The following SLCO3A1 variants were observed in gnomAD, a reference collection of about 807,000 sequenced individuals.
The protein encoded by SLCO3A1 is PGE1 transporter.
A neutral mutation model predicts 63.1 loss-of-function variants in SLCO3A1; 27 were observed. The observed-to-expected ratio is 0.43, with a 90% confidence interval of 0.32 to 0.59. The LOEUF (loss-of-function observed/expected upper bound fraction) is 0.59. Ranked by LOEUF, SLCO3A1 falls within the 20% of genes least tolerant of loss-of-function variation. The pLI, the probability that SLCO3A1 is intolerant of heterozygous loss-of-function variation, is 0.09. For missense variants in SLCO3A1, 773 were observed against 945.8 expected, an observed-to-expected ratio of 0.82 and a Z score of 2.40; for synonymous variants, 473 against 409.9, an observed-to-expected ratio of 1.15 and a Z score of -1.86.
At chr15:91,921,820 C>T (rs528375001) in intron 2 of SLCO3A1, among the ~76,000 whole-genome samples, 1 of 152,150 alleles carries the variant, frequency 6.6e-6, no homozygotes, top group South Asian at 2.1e-4. Context: ...GCCTCTGCCT[C>T]CTGGGTTCAA....
chr15:92,050,284 G>A (rs2046941241), intron 2 of SLCO3A1, among the ~76,000 whole-genome samples: 1 of 152,238 alleles, frequency 6.6e-6, no homozygotes, highest in South Asian at 2.1e-4. Context: ...CCCTTGAGGA[G>A]TCGCCAGCCA....
At chr15:91,972,250 G>A (rs947884411) in intron 2 of SLCO3A1, among the ~76,000 whole-genome samples, 1 of 152,140 alleles carries the variant, frequency 6.6e-6, no homozygotes, top group Non-Finnish European at 1.5e-5. Context: ...GGGTTGGGAG[G>A]TGGATATGGG....
At chr15:91,928,397 C>T (rs1899107657) in intron 2 of SLCO3A1, among the ~76,000 whole-genome samples, 1 of 152,262 alleles carries the variant, frequency 6.6e-6, no homozygotes, top group Non-Finnish European at 1.5e-5. Context: ...GCTTAAGCAG[C>T]TTGTTCAGGG....
At chr15:92,169,230 G>C (rs1372195569), downstream of SLCO3A1, among the ~76,000 whole-genome samples, 4 of 152,140 alleles carry the variant, frequency 2.6e-5, no homozygotes, top group East Asian at 1.9e-4. Context: ...GTCCAGAATT[G>C]GCTCAAATTC....
rs1025222266 is a variant in SLCO3A1, at chr15:91,854,258, C to A, written c.180+170C>A. On this transcript the variant is annotated intron_variant, in intron 1 of 9. Transcript: ENST00000318445. This position sits in a 1 kb window ranked among gnomAD's most constrained non-coding sequence, Gnocchi z 6.4. The stretch of plus-strand genomic sequence containing the variant: ...GGCGGCCGCCGGGGGAGCTGCCGGC[C>A]GGGGCTGCCAGCGAGCGGGTAGCGG... 11 of 1,084,054 alleles carry A rather than the reference C, an allele frequency of 1.0e-5. No individual in the cohort carries two copies. In the African/African-American group the frequency reaches 1.7e-4, roughly 16 times the overall value. The allele number at this position is 1,084,054 out of a possible 1,614,324, so 67.2% of individuals were successfully genotyped here. A position where few individuals can be genotyped will look rare whatever the true frequency, so the allele number is the denominator to read the frequency against.
At chr15:92,024,783 G>A (rs191132938) in intron 2 of SLCO3A1, among the ~76,000 whole-genome samples, 5 of 152,298 alleles carry the variant, frequency 3.3e-5, no homozygotes, top group African/African-American at 7.2e-5. Context: ...CTCTGAGAAG[G>A]TGACATTTGA....
At chr15:92,118,583 G>T (rs566122315) in intron 4 of SLCO3A1, among the ~76,000 whole-genome samples, 9 of 152,082 alleles carry the variant, frequency 5.9e-5, no homozygotes, top group Non-Finnish European at 8.8e-5. Flanking sequence ...GAGTTGGGCC[G>T]CTTAGAGGTT....
intron 8 of SLCO3A1, 43 bp downstream of exon 8, chr15:92,147,202 G>C: frequency 6.4e-7 from 1 of 1,570,912 alleles, no homozygotes; most frequent in Non-Finnish European, 8.7e-7. Flanking sequence ...TTTCCACCTG[G>C]TGTTCATCTG....
chr15:91,958,779 G>T (rs908323972), intron 2 of SLCO3A1, among the ~76,000 whole-genome samples: 1 of 152,122 alleles, frequency 6.6e-6, no homozygotes, highest in South Asian at 2.1e-4. Flanking sequence ...ATAAATGTTG[G>T]CTTGGATGTG....
intron 2 of SLCO3A1, among the ~76,000 whole-genome samples, chr15:92,041,860 A>G (rs1208567751): frequency 6.6e-6 from 1 of 151,920 alleles, no homozygotes; most frequent in African/African-American, 2.4e-5. Context: ...ATTTTAGCCA[A>G]TCTGTATGCT....
chr15:92,035,583 A>G (rs1302795582), intron 2 of SLCO3A1, among the ~76,000 whole-genome samples: 1 of 151,720 alleles, frequency 6.6e-6, no homozygotes, highest in African/African-American at 2.4e-5. Context: ...TGCCAGCCCT[A>G]GGGAGCTCAC....
chr15:91,972,806 C>T (rs945960881), intron 2 of SLCO3A1, among the ~76,000 whole-genome samples: 2 of 152,280 alleles, frequency 1.3e-5, no homozygotes, highest in Middle Eastern at 6.8e-3. Context: ...TGAACTGCCC[C>T]TCTGTCCACA....
At chr15:91,938,244 A>C (rs535441736) in intron 2 of SLCO3A1, among the ~76,000 whole-genome samples, 2 of 152,186 alleles carry the variant, frequency 1.3e-5, no homozygotes, top group Non-Finnish European at 2.9e-5. Flanking sequence ...TGTGAAATTT[A>C]GGTATTGTCT....
intron 2 of SLCO3A1, among the ~76,000 whole-genome samples, chr15:92,004,323 C>T (rs925967524): frequency 2.0e-5 from 3 of 152,298 alleles, no homozygotes; most frequent in South Asian, 2.1e-4. Context: ...AAGACCATGA[C>T]GATGGTGTCC....
Position 92,020,079 on chromosome 15 carries a change from T to C in SLCO3A1, c.647-74802T>C, listed in dbSNP as rs924217225. ...CCCTGAATGTGATCCATTTACAAGG[T>C]GGGGACAGACTTTTTTCAGTTGTTA... On this transcript the variant is annotated intron_variant, in intron 2 of 9. Transcript: ENST00000318445. Among the ~76,000 whole-genome samples, 6 of 152,210 alleles carry C rather than the reference T, an allele frequency of 3.9e-5. No homozygotes were observed. The Middle Eastern group carries it at 0.01, about 259-fold the overall frequency.
At chr15:91,983,901 A>G (rs2046017980) in intron 2 of SLCO3A1, among the ~76,000 whole-genome samples, 1 of 152,198 alleles carries the variant, frequency 6.6e-6, no homozygotes, top group Non-Finnish European at 1.5e-5. Context: ...TTGATCTAGA[A>G]GCTGCCATCT....
At chr15:91,926,194 A>G (rs1422884699) in intron 2 of SLCO3A1, among the ~76,000 whole-genome samples, 1 of 152,230 alleles carries the variant, frequency 6.6e-6, no homozygotes, top group Non-Finnish European at 1.5e-5. Flanking sequence ...TCGTTATTTC[A>G]GAGGCATTGA....
chr15:92,143,465 T>TATATAA lies in SLCO3A1; in HGVS notation c.1513-3516_1513-3515insTAAATA, dbSNP rs1567143207. On this transcript the variant is annotated intron_variant, in intron 7 of 9. Coordinates refer to ENST00000318445, the MANE Select transcript of SLCO3A1 (RefSeq NM_013272.4). ...ATATATATATAATATATATAATATATATAAATATATATATATATTATATAT... is the reference window on the plus strand; with the variant it reads ...ATATATATATAATATATATAATATATATATAAATAAATATATATATATATTATATAT... Among the ~76,000 whole-genome samples the TATATAA allele has an allele frequency of 1.7e-3, 43 of 25,734 alleles. 13 individuals are homozygous for TATATAA. The highest frequency in any genetic ancestry group is 0.011 in the African/African-American group (43 of 4,020). The allele number at this position is 25,734 out of a possible 152,430, so 16.9% of individuals were successfully genotyped here.
chr15:92,160,591 G>T (rs2238343), intron 9 of SLCO3A1, among the ~76,000 whole-genome samples: 5,512 of 152,218 alleles, frequency 0.036, 325 homozygotes, highest in East Asian at 0.28. Flanking sequence ...TTATTAAATC[G>T]AGCTGCTTGG....
Sources: gnomAD v4.1 joint callset for allele counts (sites outside exome capture counted in the v4.1 genomes callset) on GRCh38, gnomAD v4.1.1 for gene constraint, Gnocchi (gnomAD v3.1) non-coding constraint, MANE v1.5 for transcripts, NCBI Gene and HGNC (gene_info 2026-07-23, HGNC 2026-07-21) for gene names.